The following CCDC30 variants were observed in gnomAD, a reference collection of about 807,000 sequenced individuals.
CCDC30 encodes coiled-coil domain containing 30, also known as coiled-coil domain-containing protein 30.
Under a neutral mutation model 100.2 loss-of-function variants are expected in CCDC30, and 70 were observed. That is an observed-to-expected ratio of 0.70 (90% confidence interval 0.58 to 0.85). The LOEUF (loss-of-function observed/expected upper bound fraction) is 0.85, where lower values mean the gene tolerates loss of function less well. Among genes scored for constraint, CCDC30 ranks in the 40% least tolerant of loss-of-function variants. The pLI is 0.00. For synonymous variants in CCDC30, 233 were observed against 269.5 expected, an observed-to-expected ratio of 0.86 and a Z score of 1.33; for missense variants, 652 against 771.2, an observed-to-expected ratio of 0.85 and a Z score of 1.83.
intron 10 of CCDC30, among the ~76,000 whole-genome samples, chr1:42,609,050 A>T (rs1170633300): frequency 6.6e-6 from 1 of 152,208 alleles, no homozygotes; most frequent in African/African-American, 2.4e-5. Flanking sequence ...TGAAAAAGCA[A>T]AAAAGTCAAA....
chr1:42,537,450 G>A (rs1340715235), intron 6 of CCDC30: 1 of 354,516 alleles, frequency 2.8e-6, no homozygotes, highest in Admixed American at 3.8e-5. Context: ...GTGGTTTTGG[G>A]AGGCCACCCT....
At chr1:42,468,312 A>G (rs1352604534) in intron 1 of CCDC30, among the ~76,000 whole-genome samples, 1 of 152,244 alleles carries the variant, frequency 6.6e-6, no homozygotes, top group Non-Finnish European at 1.5e-5. Context: ...CATCCATGGC[A>G]TGTGGTTTCC....
At chr1:42,471,338 C>A (rs1643764275) in intron 1 of CCDC30, among the ~76,000 whole-genome samples, 1 of 152,172 alleles carries the variant, frequency 6.6e-6, no homozygotes, top group Non-Finnish European at 1.5e-5. Context: ...GGGCAAGCAA[C>A]CCACAGTACA....
rs1245984333 is a variant in CCDC30 at position 42,490,250 on chromosome 1, T to C, written c.241+21T>C. The C allele has an allele frequency of 7.4e-6, 8 of 1,084,108 alleles. No homozygotes were observed. In the East Asian group the frequency reaches 2.6e-4, roughly 35 times the overall value. The allele number at this position is 1,084,108 out of a possible 1,614,324, so 67.2% of individuals were successfully genotyped here. On this transcript the variant is annotated intron_variant, in intron 4 of 16. Coordinates refer to ENST00000668663, the Ensembl canonical transcript of CCDC30. ...AAATGGTAAGTCATTCTAGAAGATATGATGATTATTATTTAGTAGCCAAGA... is the reference window on the plus strand; with the variant it reads ...AAATGGTAAGTCATTCTAGAAGATACGATGATTATTATTTAGTAGCCAAGA...
intron 6 of CCDC30, among the ~76,000 whole-genome samples, chr1:42,542,083 T>C (rs188243648): frequency 1.3e-5 from 2 of 152,372 alleles, no homozygotes; most frequent in African/African-American, 4.8e-5. Context: ...TACTTAAACA[T>C]GGCTGATTAT....
intron 2 of CCDC30, 123 bp from the exon 3 acceptor site, chr1:42,482,540 C>T: frequency 1.9e-6 from 1 of 514,304 alleles, no homozygotes; most frequent in Non-Finnish European, 3.0e-6. Flanking sequence ...CTCACACACA[C>T]AAAGAAATAC....
intron 10 of CCDC30, chr1:42,594,499 G>A (rs1188508317): frequency 6.6e-6 from 1 of 152,254 alleles, no homozygotes; most frequent in Non-Finnish European, 1.5e-5. Flanking sequence ...GGGTGACAGA[G>A]TGAGACCTCA....
At chr1:42,496,131 G>A (rs1644228942) in intron 4 of CCDC30, among the ~76,000 whole-genome samples, 1 of 136,234 alleles carries the variant, frequency 7.3e-6, no homozygotes, top group African/African-American at 3.5e-5. Context: ...GAGTGTGTGT[G>A]TGTGTGTGTG....
chr1:42,504,048 A>G (rs1342850437), intron 6 of CCDC30, among the ~76,000 whole-genome samples: 1 of 152,270 alleles, frequency 6.6e-6, no homozygotes, highest in African/African-American at 2.4e-5. Context: ...TTGTTTCTAC[A>G]GATATTAAAT....
At chr1:42,638,890 A>G (rs185395540) in intron 12 of CCDC30, among the ~76,000 whole-genome samples, 2 of 152,190 alleles carry the variant, frequency 1.3e-5, no homozygotes, top group East Asian at 3.9e-4. Context: ...AAATAAATAA[A>G]TAAATAAAGA....
intron 6 of CCDC30, among the ~76,000 whole-genome samples, chr1:42,512,909 G>C (rs1047324892): frequency 7.9e-5 from 12 of 152,346 alleles, no homozygotes; most frequent in African/African-American, 2.6e-4. Context: ...AAGGCTGGCA[G>C]CCACGCTAAC....
At chr1:42,606,689 A>G (rs1570227444) in intron 10 of CCDC30, among the ~76,000 whole-genome samples, 1 of 152,224 alleles carries the variant, frequency 6.6e-6, no homozygotes, top group Non-Finnish European at 1.5e-5. Context: ...TTAGTGCAAT[A>G]CCATAAACCT....
At chr1:42,533,895 C>T (rs1433070855) in intron 6 of CCDC30, 1 of 152,204 alleles carries the variant, frequency 6.6e-6, no homozygotes, top group African/African-American at 2.4e-5. Context: ...TCTCCAGAGT[C>T]GTTGGTGGCT....
chr1:42,643,097 AAG>A (rs1647594207), intron 13 of CCDC30, among the ~76,000 whole-genome samples: 1 of 152,230 alleles, frequency 6.6e-6, no homozygotes, highest in African/African-American at 2.4e-5. Flanking sequence ...ATTATAATCA[AAG>A]AGAGTGGGTT....
At chr1:42,522,973 G>A (rs1202885082) in intron 6 of CCDC30, among the ~76,000 whole-genome samples, 1 of 151,946 alleles carries the variant, frequency 6.6e-6, no homozygotes, top group African/African-American at 2.4e-5. Context: ...GGGATTACAG[G>A]TGCACACCAC....
intron 12 of CCDC30, among the ~76,000 whole-genome samples, chr1:42,638,193 A>C (rs1182899444): frequency 1.3e-5 from 2 of 152,226 alleles, no homozygotes; most frequent in Non-Finnish European, 2.9e-5. Context: ...TTGCATTCTT[A>C]GTTTTAAAAA....
At chr1:42,488,459 G>A (rs6600405) in intron 3 of CCDC30, among the ~76,000 whole-genome samples, 37,034 of 151,914 alleles carry the variant, frequency 0.24, 4,902 homozygotes, top group South Asian at 0.42. Flanking sequence ...GACTACAGGC[G>A]TGTAGTGCCA....
At chr1:42,481,732 T>C (rs1643961360) in intron 2 of CCDC30, among the ~76,000 whole-genome samples, 1 of 152,190 alleles carries the variant, frequency 6.6e-6, no homozygotes, top group South Asian at 2.1e-4. Flanking sequence ...GTTTTTGATC[T>C]AGGGAAATGT....
rs1182722370 is a variant in CCDC30 at position 42,596,298 on chromosome 1, T to C, written c.1164+6815T>C. Among the ~76,000 whole-genome samples, 4 of 152,160 alleles carry C rather than the reference T, an allele frequency of 2.6e-5. No homozygotes were observed. Among genetic ancestry groups the C allele is most frequent in the Admixed American group, 6.5e-5 (1 of 15,268 alleles). ...ACACATTTGTGAGTTTTACCTCCTG[T>C]AGCATACCAGGTTCTTGTGAATATC... On this transcript the variant is annotated intron_variant, in intron 10 of 16. Coordinates refer to ENST00000668663, the Ensembl canonical transcript of CCDC30. The surrounding 1 kb of genome is among the most constrained non-coding windows in gnomAD (Gnocchi z 4.3).
Sources: gnomAD v4.1 joint callset for allele counts (sites outside exome capture counted in the v4.1 genomes callset) on GRCh38, gnomAD v4.1.1 for gene constraint, Gnocchi (gnomAD v3.1) non-coding constraint, MANE v1.5 for transcripts, NCBI Gene and HGNC (gene_info 2026-07-23, HGNC 2026-07-21) for gene names.